The following TMOD3 variants were observed in gnomAD, a reference collection of about 807,000 sequenced individuals.
TMOD3 encodes tropomodulin 3.
In TMOD3, 20 loss-of-function variants were observed where a neutral mutation model predicts 39.2. That is an observed-to-expected ratio of 0.51 (90% CI 0.36 to 0.74). TMOD3 has a LOEUF of 0.74. TMOD3 is among the 30% of genes least tolerant of loss of function. The pLI is 0.00. For missense variants in TMOD3, 381 were observed against 412.8 expected, an observed-to-expected ratio of 0.92 and a Z score of 0.67; for synonymous variants, 143 against 145.8, an observed-to-expected ratio of 0.98 and a Z score of 0.14.
intron 6 of TMOD3, among the ~76,000 whole-genome samples, chr15:51,895,894 A>T (rs957056070): frequency 1.2e-4 from 19 of 152,186 alleles, no homozygotes; most frequent in African/African-American, 4.6e-4. Flanking sequence ...GGATCACCTG[A>T]GGTCAGGAGT....
chr15:51,857,947 G>A (rs1394750031), intron 1 of TMOD3: 1 of 151,876 alleles, frequency 6.6e-6, no homozygotes, highest in Non-Finnish European at 1.5e-5. Context: ...TACATTTTAT[G>A]GCTAATATAT....
chr15:51,832,476 A>G (rs895148004), intron 1 of TMOD3, among the ~76,000 whole-genome samples: 1 of 151,944 alleles, frequency 6.6e-6, no homozygotes, highest in Admixed American at 6.6e-5. Context: ...ACATATCTAC[A>G]TAGAGTATAG....
chr15:51,863,114 C>T, intron 2 of TMOD3, 104 bp downstream of exon 2: 1 of 1,208,942 alleles, frequency 8.3e-7, no homozygotes, highest in Admixed American at 2.3e-5. Flanking sequence ...CACCTTCCAC[C>T]CTTTCCTCCA....
rs148650729 is a variant in TMOD3, at chr15:51,881,661, A to T, written c.284-5928A>T. On this transcript the variant is annotated intron_variant, in intron 3 of 9. Coordinates refer to ENST00000308580, the MANE Select transcript of TMOD3 (RefSeq NM_014547.5). ...ACTGCAACCTCCGCCTCCTGGGTTC[A>T]AGCGATTCTCCTGCCTCAGCCTCCT... Among the ~76,000 whole-genome samples, 440 of 139,136 alleles carry T rather than the reference A, an allele frequency of 3.2e-3. 5 individuals are homozygous for T. Among genetic ancestry groups the T allele is most frequent in the African/African-American group, 0.012 (419 of 36,326 alleles). The allele number at this position is 139,136 out of a possible 152,430, so 91.3% of individuals were successfully genotyped here.
intron 1 of TMOD3, among the ~76,000 whole-genome samples, chr15:51,832,194 G>GA (rs1291309232): frequency 1.2e-4 from 8 of 64,844 alleles, no homozygotes; most frequent in African/African-American, 3.2e-4. Context: ...TCTAAAAAAA[G>GA]AAAAAAAATT....
chr15:51,863,831 C>T (rs558665361), intron 2 of TMOD3, among the ~76,000 whole-genome samples: 1 of 152,264 alleles, frequency 6.6e-6, no homozygotes, highest in South Asian at 2.1e-4. Context: ...AATCCCTTAA[C>T]CATAATTACT....
chr15:51,851,574 C>G (rs1432145761), intron 1 of TMOD3, among the ~76,000 whole-genome samples: 1 of 152,022 alleles, frequency 6.6e-6, no homozygotes, highest in Middle Eastern at 3.2e-3. Flanking sequence ...GGACCATTCA[C>G]AATGTGGATC....
At chr15:51,864,801 GC>G (rs1191724164) in intron 2 of TMOD3, among the ~76,000 whole-genome samples, 3 of 152,114 alleles carry the variant, frequency 2.0e-5, no homozygotes, top group Non-Finnish European at 4.4e-5. Context: ...GGAAATACTG[GC>G]TTGGTAAGTG....
intron 9 of TMOD3, among the ~76,000 whole-genome samples, chr15:51,908,080 C>G (rs1324342771): frequency 6.6e-6 from 1 of 152,190 alleles, no homozygotes; most frequent in Non-Finnish European, 1.5e-5. Context: ...TAGCAAATCA[C>G]TTACCTATAA....
intron 1 of TMOD3, among the ~76,000 whole-genome samples, chr15:51,838,250 C>T (rs1359566845): frequency 6.6e-6 from 1 of 152,162 alleles, no homozygotes. Flanking sequence ...TCCCTGACCA[C>T]CCACAGTGAT....
chr15:51,881,574 T>TTTTTTTTTTTTC (rs2056534463), intron 3 of TMOD3, among the ~76,000 whole-genome samples: 1 of 144,070 alleles, frequency 6.9e-6, no homozygotes, highest in Non-Finnish European at 1.5e-5. Flanking sequence ...TTTTTTTTTT[T>TTTTTTTTTTTTC]TTTTGAGACA....
chr15:51,866,726 G>T (rs2056448889), intron 2 of TMOD3, among the ~76,000 whole-genome samples: 1 of 152,104 alleles, frequency 6.6e-6, no homozygotes, highest in South Asian at 2.1e-4. Flanking sequence ...TTCTTTAAAA[G>T]CATTCTAACA....
At chr15:51,855,659 T>A (rs1225356947) in intron 1 of TMOD3, among the ~76,000 whole-genome samples, 2 of 152,376 alleles carry the variant, frequency 1.3e-5, no homozygotes, top group East Asian at 3.9e-4. Flanking sequence ...TAAAAGTTTC[T>A]GTAGACAAAG....
intron 5 of TMOD3, among the ~76,000 whole-genome samples, chr15:51,889,963 A>C (rs142405659): frequency 2.0e-5 from 3 of 152,228 alleles, no homozygotes; most frequent in Non-Finnish European, 2.9e-5. Flanking sequence ...GGAAGAGGTA[A>C]AAGTGTCTCT....
intron 9 of TMOD3, 131 bp downstream of exon 9, chr15:51,902,167 C>G (rs1428563425): frequency 2.0e-6 from 2 of 987,726 alleles, no homozygotes; most frequent in African/African-American, 1.7e-5. Flanking sequence ...CTGCATGGTC[C>G]TTTATATACT....
intron 9 of TMOD3, among the ~76,000 whole-genome samples, chr15:51,902,608 C>G (rs2056656908): frequency 6.7e-6 from 1 of 149,286 alleles, no homozygotes; most frequent in African/African-American, 2.5e-5. Flanking sequence ...GTAGCTGGGA[C>G]TACAGGCGTG....
chr15:51,862,859 T>G lies in TMOD3; in HGVS notation c.-26T>G. The G allele has an allele frequency of 6.2e-7, 1 of 1,602,886 alleles. No homozygotes were observed. The highest frequency in any genetic ancestry group is 1.1e-5 in the South Asian group (1 of 88,458). ...TTCTGACTGTACTGAACAGCAAAAA[T>G]TAAGTGACTTGCTGCCCTGCACATC... On this transcript the variant is annotated 5_prime_UTR_variant, in exon 2 of 10. Transcript: ENST00000308580.
intron 9 of TMOD3, among the ~76,000 whole-genome samples, chr15:51,904,587 G>A (rs894552763): frequency 3.3e-5 from 5 of 152,172 alleles, no homozygotes; most frequent in African/African-American, 1.2e-4. Flanking sequence ...GGTGATTCCA[G>A]CAGCTGTCCC....
At chr15:51,868,316 G>T (rs200596741) in intron 2 of TMOD3, among the ~76,000 whole-genome samples, 2 of 63,312 alleles carry the variant, frequency 3.2e-5, no homozygotes, top group Admixed American at 2.0e-4. Context: ...TAAAAAAAAC[G>T]TTTTAAGTTC....
Sources: gnomAD v4.1 joint callset for allele counts (sites outside exome capture counted in the v4.1 genomes callset) on GRCh38, gnomAD v4.1.1 for gene constraint, MANE v1.5 for transcripts, NCBI Gene and HGNC (gene_info 2026-07-23, HGNC 2026-07-21) for gene names.